IL1RAPL1: variants seen among roughly 807,000 people sequenced by gnomAD.
IL1RAPL1 encodes the protein interleukin-1 receptor accessory protein-like 1.
A neutral mutation model predicts 48.4 loss-of-function variants in IL1RAPL1; 3 were observed. The ratio of observed to expected loss-of-function variants is 0.06; its 90% CI spans 0.03 to 0.16. The LOEUF is 0.16. Among genes scored for constraint, IL1RAPL1 ranks in the 10% least tolerant of loss-of-function variants. The pLI is 1.00. For missense variants in IL1RAPL1, 349 were observed against 530.6 expected, an observed-to-expected ratio of 0.66 and a Z score of 3.36; for synonymous variants, 185 against 187.7, an observed-to-expected ratio of 0.99 and a Z score of 0.12.
At chrX:28,639,380 C>T (rs775501618) in intron 1 of IL1RAPL1, among the ~76,000 whole-genome samples, 16 of 112,098 alleles carry the variant, frequency 1.4e-4, no homozygotes, top group African/African-American at 3.2e-4. Flanking sequence ...TTGTTTCCAA[C>T]TCAATTACCT....
chrX:29,321,397 C>A (rs1378370775), intron 3 of IL1RAPL1, among the ~76,000 whole-genome samples: 1 of 111,755 alleles, frequency 8.9e-6, no homozygotes, highest in Non-Finnish European at 1.9e-5. Context: ...CACTTTGAAG[C>A]CATTTACAAT....
At chrX:29,109,026 T>G (rs1294339096) in intron 2 of IL1RAPL1, among the ~76,000 whole-genome samples, 7 of 111,081 alleles carry the variant, frequency 6.3e-5, no homozygotes, top group African/African-American at 2.3e-4. Context: ...GGGAAAAAAA[T>G]ATAATATGCA....
intron 2 of IL1RAPL1, among the ~76,000 whole-genome samples, chrX:28,932,473 A>G (rs1307353161): frequency 9.0e-6 from 1 of 111,524 alleles, no homozygotes; most frequent in Non-Finnish European, 1.9e-5. Context: ...TTGTGTTTTT[A>G]TTGATATGGA....
chrX:28,754,041 C>T (rs1936078032), intron 1 of IL1RAPL1, among the ~76,000 whole-genome samples: 1 of 74,318 alleles, frequency 1.3e-5, no homozygotes, highest in Admixed American at 1.5e-4. Flanking sequence ...TCTTCTTCAG[C>T]ATCATCTTCA....
At chrX:29,776,299 A>C (rs1178327792) in intron 6 of IL1RAPL1, among the ~76,000 whole-genome samples, 2 of 111,304 alleles carry the variant, frequency 1.8e-5, no homozygotes, top group Non-Finnish European at 3.8e-5. Context: ...GAGTCTCTAA[A>C]CATGCCAGCG....
At chrX:29,098,300 G>A (rs1418957584) in intron 2 of IL1RAPL1, among the ~76,000 whole-genome samples, 1 of 110,490 alleles carries the variant, frequency 9.1e-6, no homozygotes, top group Non-Finnish European at 1.9e-5. Flanking sequence ...CCTTTCTTCT[G>A]TCTTGTGTCT....
chrX:29,372,936 G>T (rs773762675), intron 3 of IL1RAPL1, among the ~76,000 whole-genome samples: 1 of 110,218 alleles, frequency 9.1e-6, no homozygotes, highest in African/African-American at 3.3e-5. Context: ...ATGGATTTTA[G>T]AATCGTTTTT....
intron 2 of IL1RAPL1, among the ~76,000 whole-genome samples, chrX:28,951,890 A>T (rs1264914975): frequency 9.0e-6 from 1 of 111,370 alleles, no homozygotes; most frequent in Non-Finnish European, 1.9e-5. Context: ...CTTTATCTTG[A>T]TGCTGGCTTT....
intron 5 of IL1RAPL1, among the ~76,000 whole-genome samples, chrX:29,468,615 T>A (rs1285953756): frequency 1.8e-5 from 2 of 112,171 alleles, no homozygotes; most frequent in African/African-American, 3.2e-5. Flanking sequence ...TCTTGTCTGG[T>A]CTTCTTTGCA....
chrX:29,432,479 A>C (rs1213270253), intron 5 of IL1RAPL1, among the ~76,000 whole-genome samples: 1 of 111,405 alleles, frequency 9.0e-6, no homozygotes, highest in African/African-American at 3.3e-5. Context: ...CTCCCTACAC[A>C]AAGTCCTCTA....
intron 2 of IL1RAPL1, among the ~76,000 whole-genome samples, chrX:28,857,133 A>G (rs1248810304): frequency 8.9e-6 from 1 of 112,276 alleles, no homozygotes; most frequent in Non-Finnish European, 1.9e-5. Context: ...GCCAAAGCCT[A>G]ATCCAGAGCA....
chrX:29,890,662 C>T (rs1932259733), intron 6 of IL1RAPL1, among the ~76,000 whole-genome samples: 1 of 112,249 alleles, frequency 8.9e-6, no homozygotes, highest in African/African-American at 3.2e-5. Context: ...CTCCTAGCAA[C>T]TCCTACTACT....
At chrX:29,450,727 A>G (rs1253206341) in intron 5 of IL1RAPL1, among the ~76,000 whole-genome samples, 1 of 112,142 alleles carries the variant, frequency 8.9e-6, no homozygotes, top group Non-Finnish European at 1.9e-5. Flanking sequence ...GTTCCTATTA[A>G]TATTTAATTC....
intron 2 of IL1RAPL1, among the ~76,000 whole-genome samples, chrX:28,827,182 T>C (rs934380279): frequency 2.7e-5 from 3 of 111,327 alleles, no homozygotes; most frequent in African/African-American, 9.8e-5. Context: ...ATATAAAGCA[T>C]AAATATTTTC....
At chrX:29,553,918 C>CCAGTG (rs1921904080) in intron 5 of IL1RAPL1, among the ~76,000 whole-genome samples, 2 of 108,409 alleles carry the variant, frequency 1.8e-5, no homozygotes, top group South Asian at 7.7e-4. Context: ...GTTTATGGAT[C>CCAGTG]CAGTGGCCTT....
At chrX:28,690,909 A>G (rs1399767119) in intron 1 of IL1RAPL1, among the ~76,000 whole-genome samples, 2 of 111,371 alleles carry the variant, frequency 1.8e-5, no homozygotes, top group African/African-American at 3.3e-5. Flanking sequence ...TCACTTCTCT[A>G]CATTCCACTG....
chrX:29,338,556 A>G (rs1402537084), intron 3 of IL1RAPL1, among the ~76,000 whole-genome samples: 1 of 112,026 alleles, frequency 8.9e-6, no homozygotes, highest in African/African-American at 3.2e-5. Flanking sequence ...AATCTAACTG[A>G]AAATAGTTCA....
At chrX:29,850,965 C>G (rs745778952) in intron 6 of IL1RAPL1, among the ~76,000 whole-genome samples, 1 of 111,671 alleles carries the variant, frequency 9.0e-6, no homozygotes, top group Non-Finnish European at 1.9e-5. Flanking sequence ...AACTTTCTCC[C>G]TTTCCTTTGA....
intron 2 of IL1RAPL1, among the ~76,000 whole-genome samples, chrX:29,254,794 G>A (rs1224677916): frequency 9.0e-6 from 1 of 111,610 alleles, no homozygotes; most frequent in East Asian, 2.8e-4. Context: ...AGATGCAATT[G>A]ATATTTTAAT....
Sources: allele counts gnomAD v4.1 joint callset (sites outside exome capture counted in the v4.1 genomes callset), GRCh38; gene constraint gnomAD v4.1.1; transcripts MANE v1.5; gene names NCBI Gene and HGNC (gene_info 2026-07-23, HGNC 2026-07-21).